Variants in REXO4 observed in about 807,000 individuals in gnomAD.
REXO4 encodes the protein REX4 homolog, 3'-5' exonuclease.
In REXO4, 29 loss-of-function variants were observed where a neutral mutation model predicts 39.9. The ratio of observed to expected loss-of-function variants is 0.73; its 90% confidence interval spans 0.54 to 0.99. REXO4 has a LOEUF of 0.99. Among genes scored for constraint, REXO4 ranks in the 50% least tolerant of loss-of-function variants. The pLI is 0.00. For synonymous variants in REXO4, 184 were observed against 206.2 expected (o/e 0.89, Z 0.92); for missense variants, 524 against 546.5 (o/e 0.96, Z 0.41).
At position 133,408,811 on chromosome 9, in the gene REXO4, ATCT is replaced by A; in HGVS notation, c.1028_1030del (p.Lys343del). Reference sequence around the variant, plus strand: ...AGGTTTATATTTCTGTGTGTCCCGAATCTTCTTTTTTGGATGATCAAGAAATAG... The same window carrying A: ...AGGTTTATATTTCTGTGTGTCCCGAATCTTTTTTGGATGATCAAGAAATAG... On this transcript the variant is annotated inframe_deletion, in exon 6 of 8. Transcript: ENST00000371942. 1.3e-6 allele frequency: 2 copies of A among 1,597,198 alleles called. No homozygotes were observed. Among genetic ancestry groups the A allele is most frequent in the Non-Finnish European group, 8.6e-7 (1 of 1,165,712 alleles).
chr9:133,416,062 GT>G (rs1309581312), intron 1 of REXO4, among the ~76,000 whole-genome samples: 1 of 152,142 alleles, frequency 6.6e-6, no homozygotes, highest in East Asian at 1.9e-4. Context: ...AAGAAAAAAC[GT>G]TTATGTAGCT....
Position 133,407,195 on chromosome 9 carries a change from T to A in REXO4, c.1150-123A>T. ...AGATGTACTGAGTGAGACATGGACC[T>A]GGCCACGAGATGTCACCAGGACGGG... On this transcript the variant is annotated intron_variant, in intron 7 of 7. Transcript: ENST00000371942. 2.0e-6 allele frequency: 3 copies of A among 1,469,308 alleles called. No individual in the cohort carries two copies. The Middle Eastern group carries it at 5.5e-4, about 268-fold the overall frequency. The allele number at this position is 1,469,308 out of a possible 1,614,324, so 91.0% of individuals were successfully genotyped here. A position where few individuals can be genotyped will look rare whatever the true frequency, so the allele number is the denominator to read the frequency against.
chr9:133,414,314 TACC>T (rs782406175), intron 2 of REXO4: 13 of 482,858 alleles, frequency 2.7e-5, no homozygotes, highest in East Asian at 1.1e-4. Context: ...CCACCATGAC[TACC>T]ACAAGGCACA....
chr9:133,407,765 A>G (rs1554779220), intron 7 of REXO4, 42 bp downstream of exon 7: 2 of 1,564,306 alleles, frequency 1.3e-6, no homozygotes, highest in Non-Finnish European at 1.8e-6. Flanking sequence ...CAGGTGGGAA[A>G]CCGCCCCAAA....
chr9:133,414,288 CA>C, intron 2 of REXO4: 1 of 420,828 alleles, frequency 2.4e-6, no homozygotes, highest in Non-Finnish European at 4.7e-6. Context: ...GCCAACCTCA[CA>C]ATCTCCTTAT....
intron 2 of REXO4, among the ~76,000 whole-genome samples, chr9:133,413,889 C>A (rs587738614): frequency 1.3e-5 from 2 of 152,310 alleles, no homozygotes; most frequent in Middle Eastern, 3.4e-3. Context: ...CCCAGACAGC[C>A]TGCCTAGCAC....
intron 2 of REXO4, chr9:133,414,461 G>A (rs1554780988): frequency 4.3e-6 from 3 of 702,668 alleles, no homozygotes; most frequent in Non-Finnish European, 7.7e-6. Flanking sequence ...GCTGAGCTCT[G>A]CTCAACGCTC....
rs1564401434 is a variant in REXO4 at position 133,417,949 on chromosome 9, A to C, written c.-105T>G. 1.9e-6 allele frequency: 2 copies of C among 1,078,452 alleles called. No homozygotes were observed. The highest frequency in any genetic ancestry group is 2.8e-5 in the Admixed American group (1 of 36,322). The allele number at this position is 1,078,452 out of a possible 1,614,324, so 66.8% of individuals were successfully genotyped here. A position where few individuals can be genotyped will look rare whatever the true frequency, so the allele number is the denominator to read the frequency against. On this transcript the variant is annotated 5_prime_UTR_variant, in exon 1 of 8. Transcript: ENST00000371942. ...GCCTGCCCAGGCCAGGCCGAAACAC[A>C]CCCACCGCAGGGACCCCGTCCAGGA...
Position 133,406,650 on chromosome 9 carries a change from C to T in REXO4, c.*303G>A. 1 of 419,046 alleles carries T rather than the reference C, an allele frequency of 2.4e-6. No individual in the cohort carries two copies. Among genetic ancestry groups the T allele is most frequent in the Admixed American group, 3.5e-5 (1 of 28,458 alleles). 26.0% of individuals were successfully genotyped at this position (419,046 alleles called of 1,614,324 possible). On this transcript the variant is annotated 3_prime_UTR_variant, in exon 8 of 8. Coordinates refer to ENST00000371942, the MANE Select transcript of REXO4 (RefSeq NM_020385.4). Reference sequence around the variant, plus strand: ...CAGCACCGTATGGACTGGCGGCCCACAGGCCCCAACCTCACCTGGCCCAGG... The same window carrying T: ...CAGCACCGTATGGACTGGCGGCCCATAGGCCCCAACCTCACCTGGCCCAGG...
Position 133,406,946 on chromosome 9 carries a change from A to G in REXO4, c.*7T>C, listed in dbSNP as rs1554778924. 6.2e-7 allele frequency: 1 copy of G among 1,610,000 alleles called. No homozygotes were observed. Among genetic ancestry groups the G allele is most frequent in the Non-Finnish European group, 8.5e-7 (1 of 1,179,992 alleles). ...AGCGGGGCGGCAGCAGCAGCAGGGC[A>G]GGACTGCTAGGCGTCGTCACTGCAG... On this transcript the variant is annotated 3_prime_UTR_variant, in exon 8 of 8. Coordinates refer to ENST00000371942, the MANE Select transcript of REXO4 (RefSeq NM_020385.4).
Position 133,407,914 on chromosome 9 carries a change from T to C in REXO4, c.1075-33A>G, listed in dbSNP as rs782458520. The C allele has an allele frequency of 6.5e-5, 102 of 1,578,504 alleles. 3 individuals carry two copies. In the South Asian group the frequency reaches 9.4e-4, roughly 14 times the overall value. On this transcript the variant is annotated intron_variant, in intron 6 of 7. Transcript: ENST00000371942. ...GGGGGAAGAGGCGGGTGGGGGCCTCTGCAGGCTCGGCCCAAAGAGGGTCAC... is the reference window on the plus strand; with the variant it reads ...GGGGGAAGAGGCGGGTGGGGGCCTCCGCAGGCTCGGCCCAAAGAGGGTCAC...
intron 2 of REXO4, 158 bp downstream of exon 2, chr9:133,414,507 C>G (rs782594702): frequency 5.3e-6 from 4 of 756,682 alleles, no homozygotes; most frequent in African/African-American, 5.1e-5. Context: ...TGCGCACACT[C>G]TAGGGGAAAA....
chr9:133,412,654 C>T, intron 3 of REXO4, 124 bp downstream of exon 3: 10 of 1,451,974 alleles, frequency 6.9e-6, no homozygotes, highest in Non-Finnish European at 9.4e-6. Context: ...TGGTTCTTAG[C>T]AGGACCCTGG....
rs781990078 is a variant in REXO4 at position 133,407,027 on chromosome 9, T to C, written c.1195A>G (p.Lys399Glu). Residue 399 changes from lysine (K) to glutamate (E), a missense_variant, in exon 8 of 8, where the codon AAG (lysine) becomes GAG (glutamate). Lys to Glu is a moderately conservative substitution (Grantham distance 56). Coordinates refer to ENST00000371942, the MANE Select transcript of REXO4 (RefSeq NM_020385.4). ...AAMRLYVMVK[K>E]EWESMARDRR... The stretch of plus-strand genomic sequence containing the variant: ...TCTCGGGCCATGCTCTCCCACTCCT[T>C]CTTCACCATGACGTACAGCCTCATT... 20 of 1,597,574 alleles carry C rather than the reference T, an allele frequency of 1.3e-5. No homozygotes were observed. Among genetic ancestry groups the C allele is most frequent in the Middle Eastern group, 1.6e-4 (1 of 6,080 alleles).
Position 133,412,834 on chromosome 9 carries a change from CA to C in REXO4, c.659del (p.Leu220TrpfsTer13). The C allele has an allele frequency of 6.2e-7, 1 of 1,614,078 alleles. No homozygotes were observed. The highest frequency in any genetic ancestry group is 8.5e-7 in the Non-Finnish European group (1 of 1,180,036). On this transcript the variant is annotated frameshift_variant, in exon 3 of 8. Coordinates refer to ENST00000371942, the MANE Select transcript of REXO4 (RefSeq NM_020385.4). LOFTEE classifies it high-confidence loss of function. The stretch of plus-strand genomic sequence containing the variant: ...GGCTGACGCTGCCCTCGCTCTGACC[CA>C]ACTGTTTCCTCGCTATCTTGGCCGC... ...PEAAKIARKQ[L>X]GQSEGSVSLS...
intron 4 of REXO4, 80 bp from the exon 5 acceptor site, chr9:133,411,153 C>T: frequency 8.5e-7 from 1 of 1,179,660 alleles, no homozygotes; most frequent in South Asian, 1.2e-5. Flanking sequence ...CCCGCTCCTA[C>T]CCCTGGTCAG....
chr9:133,407,663 A>AT (rs3214115), intron 7 of REXO4, 144 bp downstream of exon 7: 18,767 of 464,382 alleles, frequency 0.04, 33 homozygotes, highest in South Asian at 0.054. Context: ...CCGCTCTACC[A>AT]TTTTTTTTTT....
At position 133,417,627 on chromosome 9, in the gene REXO4, A is replaced by G. The variant is rs1345845931; in HGVS notation, c.218T>C (p.Leu73Pro). 19 of 1,613,372 alleles carry G rather than the reference A, an allele frequency of 1.2e-5. No homozygotes were observed. The highest frequency in any genetic ancestry group is 1.6e-5 in the Non-Finnish European group (19 of 1,179,780). Reference sequence around the variant, plus strand: ...GGCCCCCTCAAGCCTCACCTCTTGCAGCGCCTTCCAGTTTTGAGAAAAGTC... The same window carrying G: ...GGCCCCCTCAAGCCTCACCTCTTGCGGCGCCTTCCAGTTTTGAGAAAAGTC... ...PEDFSQNWKA[L>P]QEWLLKQKSQ... Residue 73 changes from leucine to proline, a missense_variant, in exon 1 of 8, where the codon CTG (leucine) becomes CCG (proline). By Grantham distance (98) the Leu-to-Pro change is moderately conservative (BLOSUM62 -3). Coordinates refer to ENST00000371942, the MANE Select transcript of REXO4 (RefSeq NM_020385.4).
At chr9:133,414,168 C>G (rs1839409604) in intron 2 of REXO4, among the ~76,000 whole-genome samples, 1 of 152,226 alleles carries the variant, frequency 6.6e-6, no homozygotes, top group Non-Finnish European at 1.5e-5. Flanking sequence ...CTCCTGGGAT[C>G]AAGTGATCCT....
Sources: allele counts gnomAD v4.1 joint callset (sites outside exome capture counted in the v4.1 genomes callset), GRCh38; gene constraint gnomAD v4.1.1; transcripts MANE v1.5; gene names NCBI Gene and HGNC (gene_info 2026-07-23, HGNC 2026-07-21).